GALNT13: variants seen among roughly 807,000 people sequenced by gnomAD.
The protein encoded by GALNT13 is polypeptide N-acetylgalactosaminyltransferase 13.
A neutral mutation model predicts 64.2 loss-of-function variants in GALNT13; 28 were observed. The ratio of observed to expected loss-of-function variants is 0.44; its 90% confidence interval spans 0.32 to 0.60. The LOEUF is 0.60. GALNT13 is among the 20% of genes least tolerant of loss of function. The pLI is 0.05. For synonymous variants in GALNT13, 214 were observed against 224.6 expected (o/e 0.95, Z 0.42); for missense variants, 577 against 669.8 (o/e 0.86, Z 1.53).
chr2:153,262,901 T>TG, the GALNT13 span, among the ~76,000 whole-genome samples: 2 of 152,108 alleles, frequency 1.3e-5, no homozygotes, highest in African/African-American at 4.8e-5. Flanking sequence ...AAGACAAGAA[T>TG]GCTCTCTCTC....
the GALNT13 span, among the ~76,000 whole-genome samples, chr2:153,319,935 G>A: frequency 6.6e-6 from 1 of 152,060 alleles, no homozygotes; most frequent in Non-Finnish European, 1.5e-5. Context: ...TAGTGGAAGG[G>A]GAGACCAACC....
chr2:153,086,531 C>A, the GALNT13 span, among the ~76,000 whole-genome samples: 1 of 152,124 alleles, frequency 6.6e-6, no homozygotes, highest in Non-Finnish European at 1.5e-5. Flanking sequence ...CTCTTGCCTG[C>A]TGCCATGTAA....
At chr2:154,348,244 A>T (rs996212920) in intron 9 of GALNT13, among the ~76,000 whole-genome samples, 2 of 152,136 alleles carry the variant, frequency 1.3e-5, no homozygotes, top group Admixed American at 6.6e-5. Flanking sequence ...ACTACTGTAT[A>T]CGGTGTCATA....
chr2:154,024,221 C>G (rs1697761376), intron 3 of GALNT13, among the ~76,000 whole-genome samples: 1 of 152,040 alleles, frequency 6.6e-6, no homozygotes, highest in Non-Finnish European at 1.5e-5. Context: ...CTCTGTATTT[C>G]CTGAATCTGA....
At chr2:153,557,385 A>G in the GALNT13 span, among the ~76,000 whole-genome samples, 2 of 152,184 alleles carry the variant, frequency 1.3e-5, no homozygotes, top group Admixed American at 6.5e-5. Context: ...AAAGTGACTC[A>G]TGACTGTACA....
the GALNT13 span, among the ~76,000 whole-genome samples, chr2:153,218,653 G>A: frequency 6.6e-6 from 1 of 152,130 alleles, no homozygotes; most frequent in Non-Finnish European, 1.5e-5. Context: ...GTTGTTTTTC[G>A]ATTTGGAGCA....
chr2:153,997,560 T>C (rs893475205), intron 3 of GALNT13, among the ~76,000 whole-genome samples: 3 of 152,190 alleles, frequency 2.0e-5, no homozygotes, highest in African/African-American at 4.8e-5. Flanking sequence ...TTACTAGTTC[T>C]AACAGTTTTG....
the GALNT13 span, among the ~76,000 whole-genome samples, chr2:153,158,352 A>T: frequency 2.0e-5 from 3 of 152,210 alleles, no homozygotes; most frequent in Non-Finnish European, 4.4e-5. Flanking sequence ...TTAAATAGTG[A>T]AATTTAAGTT....
At chr2:153,495,916 G>T in the GALNT13 span, among the ~76,000 whole-genome samples, 1 of 152,204 alleles carries the variant, frequency 6.6e-6, no homozygotes, top group African/African-American at 2.4e-5. Context: ...CAGGAAAGGA[G>T]CCAGGAGAGT....
At chr2:153,453,388 T>A in the GALNT13 span, among the ~76,000 whole-genome samples, 1 of 152,122 alleles carries the variant, frequency 6.6e-6, no homozygotes, top group Non-Finnish European at 1.5e-5. Flanking sequence ...AGGCCAAATA[T>A]CTGGAATCCA....
chr2:153,104,369 A>G, the GALNT13 span, among the ~76,000 whole-genome samples: 9 of 152,170 alleles, frequency 5.9e-5, no homozygotes, highest in African/African-American at 2.2e-4. Flanking sequence ...ATTAGATGCT[A>G]CCACTTAAAA....
chr2:153,357,613 A>G, the GALNT13 span, among the ~76,000 whole-genome samples: 30 of 152,214 alleles, frequency 2.0e-4, no homozygotes, highest in Middle Eastern at 0.01. Context: ...TTGCCTAGAA[A>G]CTTTTAAGAT....
At chr2:153,118,863 G>A in the GALNT13 span, among the ~76,000 whole-genome samples, 3 of 152,092 alleles carry the variant, frequency 2.0e-5, no homozygotes, top group Non-Finnish European at 4.4e-5. Context: ...AGGTTGGTAT[G>A]GTTTGACTGT....
At chr2:154,436,169 C>G (rs977042281) in intron 11 of GALNT13, 2 of 151,986 alleles carry the variant, frequency 1.3e-5, no homozygotes, top group Non-Finnish European at 2.9e-5. Flanking sequence ...ATTTTAACAT[C>G]TGTTAATTTT....
chr2:153,907,586 T>C (rs1029932948), intron 2 of GALNT13, among the ~76,000 whole-genome samples: 1 of 151,938 alleles, frequency 6.6e-6, no homozygotes, highest in African/African-American at 2.4e-5. Flanking sequence ...GTTCATTGTC[T>C]GTTTTTCCCT....
intron 12 of GALNT13, among the ~76,000 whole-genome samples, chr2:154,441,247 G>T (rs900087135): frequency 3.9e-5 from 6 of 152,112 alleles, no homozygotes; most frequent in Non-Finnish European, 8.8e-5. Context: ...CCTCCAGAGG[G>T]GAGCAGAGAG....
intron 8 of GALNT13, among the ~76,000 whole-genome samples, chr2:154,268,922 T>C (rs2105917994): frequency 6.6e-6 from 1 of 152,258 alleles, no homozygotes; most frequent in East Asian, 1.9e-4. Flanking sequence ...TGTCAGTAAC[T>C]AATATTTTAA....
chr2:153,673,378 T>A, the GALNT13 span, among the ~76,000 whole-genome samples: 1 of 152,146 alleles, frequency 6.6e-6, no homozygotes, highest in Non-Finnish European at 1.5e-5. Flanking sequence ...GACAGCTTCA[T>A]CCCTGGGATG....
chr2:153,656,337 TGTGC>T, the GALNT13 span, among the ~76,000 whole-genome samples: 1 of 150,020 alleles, frequency 6.7e-6, no homozygotes, highest in Non-Finnish European at 1.5e-5. Flanking sequence ...TGTGTGTGTG[TGTGC>T]GCGCGCACAT....
Sources: allele counts gnomAD v4.1 joint callset (sites outside exome capture counted in the v4.1 genomes callset), GRCh38; gene constraint gnomAD v4.1.1; transcripts MANE v1.5; gene names NCBI Gene and HGNC (gene_info 2026-07-23, HGNC 2026-07-21).